Variants in RPRD1A observed in about 807,000 individuals in gnomAD.
RPRD1A encodes regulation of nuclear pre-mRNA domain-containing protein 1A.
RPRD1A carries 9 observed loss-of-function variants against 37.8 expected under a neutral mutation model. That is an observed-to-expected ratio of 0.24 (90% CI 0.14 to 0.42). RPRD1A has a LOEUF of 0.42. RPRD1A is among the 10% of genes least tolerant of loss of function. RPRD1A has a pLI of 1.00. For synonymous variants in RPRD1A, 138 were observed against 139.7 expected (o/e 0.99, Z 0.08); for missense variants, 255 against 371.0 (o/e 0.69, Z 2.57).
intron 6 of RPRD1A, among the ~76,000 whole-genome samples, chr18:35,994,536 A>T (rs1378601714): frequency 6.6e-6 from 1 of 152,238 alleles, no homozygotes; most frequent in Non-Finnish European, 1.5e-5. Flanking sequence ...AGGCTTCATA[A>T]GCAGGTGGAT....
At chr18:35,993,817 A>G (rs191697066) in intron 6 of RPRD1A, among the ~76,000 whole-genome samples, 42 of 152,250 alleles carry the variant, frequency 2.8e-4, no homozygotes, top group African/African-American at 9.6e-4. Context: ...ATTCCCAGAA[A>G]GAGCGCCTCT....
chr18:36,031,884 A>G (rs1019099781), intron 2 of RPRD1A, among the ~76,000 whole-genome samples: 1 of 152,232 alleles, frequency 6.6e-6, no homozygotes, highest in African/African-American at 2.4e-5. Context: ...TAAGGCCCAC[A>G]TGCTCTGCTT....
intron 6 of RPRD1A, among the ~76,000 whole-genome samples, chr18:36,015,157 C>T (rs8090470): frequency 0.03 from 2,773 of 91,874 alleles, 105 homozygotes; most frequent in African/African-American, 0.087. Context: ...CACACACACA[C>T]ATATATACAC....
At chr18:36,021,318 G>A (rs569118152) in intron 6 of RPRD1A, among the ~76,000 whole-genome samples, 78 of 151,780 alleles carry the variant, frequency 5.1e-4, no homozygotes, top group African/African-American at 1.7e-3. Context: ...GCTCACTTAA[G>A]TGTCTGTCAA....
At chr18:36,037,452 T>C (rs1629690) in intron 1 of RPRD1A, among the ~76,000 whole-genome samples, 151,217 of 152,328 alleles carry the variant, frequency 0.99, 75,064 homozygotes, top group East Asian at 1. Context: ...TTTCCTGAGG[T>C]CTCCCCAGCC....
chr18:36,019,001 T>C (rs1034330875), intron 6 of RPRD1A, among the ~76,000 whole-genome samples: 5 of 151,866 alleles, frequency 3.3e-5, no homozygotes, highest in African/African-American at 1.2e-4. Flanking sequence ...AGAACATGCT[T>C]GATATACCTG....
chr18:36,055,503 G>A (rs1913700787), intron 1 of RPRD1A, among the ~76,000 whole-genome samples: 1 of 152,156 alleles, frequency 6.6e-6, no homozygotes, highest in Non-Finnish European at 1.5e-5. Context: ...ACTCTTTAGA[G>A]ATTTTTTACA....
chr18:36,052,340 A>G (rs1913459876), intron 1 of RPRD1A, among the ~76,000 whole-genome samples: 1 of 151,972 alleles, frequency 6.6e-6, no homozygotes, highest in African/African-American at 2.4e-5. Flanking sequence ...CTAGATAGAT[A>G]GTAACTAGAA....
At chr18:36,024,846 C>A (rs550704983) in intron 6 of RPRD1A, 55 of 152,300 alleles carry the variant, frequency 3.6e-4, no homozygotes, top group African/African-American at 1.3e-3. Context: ...ACATCTTCTA[C>A]AAAGGAATAA....
At chr18:36,051,039 CTT>C (rs1913353670) in intron 1 of RPRD1A, among the ~76,000 whole-genome samples, 1 of 151,964 alleles carries the variant, frequency 6.6e-6, no homozygotes, top group Non-Finnish European at 1.5e-5. Flanking sequence ...CCTCCCAAAA[CTT>C]AGGGAGTTGG....
chr18:35,991,028 T>G lies in RPRD1A; in HGVS notation c.*2123A>C, dbSNP rs186498843. The G allele has an allele frequency of 1.3e-5, 2 of 152,276 alleles. No individual in the cohort carries two copies. Among genetic ancestry groups the G allele is most frequent in the East Asian group, 3.9e-4 (2 of 5,190 alleles). 9.4% of individuals were successfully genotyped at this position (152,276 alleles called of 1,614,324 possible). A position where few individuals can be genotyped will look rare whatever the true frequency, so the allele number is the denominator to read the frequency against. The stretch of plus-strand genomic sequence containing the variant: ...AATAATGCATTTTTATCATAAATAT[T>G]TAGAGCAGATACTGGCATTAAAATC... On this transcript the variant is annotated 3_prime_UTR_variant, in exon 7 of 7. Transcript: ENST00000399022.
At chr18:36,009,786 G>A (rs904319075) in intron 6 of RPRD1A, among the ~76,000 whole-genome samples, 4 of 152,170 alleles carry the variant, frequency 2.6e-5, no homozygotes, top group Admixed American at 6.6e-5. Context: ...CTTCAAATGT[G>A]CCTACTGCTA....
chr18:36,055,967 A>G (rs1913738993), intron 1 of RPRD1A, among the ~76,000 whole-genome samples: 1 of 152,214 alleles, frequency 6.6e-6, no homozygotes, highest in African/African-American at 2.4e-5. Flanking sequence ...GTGATACACT[A>G]ATGCCTAGCA....
chr18:36,064,608 G>A (rs912771119), intron 1 of RPRD1A, among the ~76,000 whole-genome samples: 1 of 152,066 alleles, frequency 6.6e-6, no homozygotes, highest in Non-Finnish European at 1.5e-5. Flanking sequence ...TGTGTGTCTC[G>A]CTAAAGGATC....
intron 6 of RPRD1A, among the ~76,000 whole-genome samples, chr18:36,020,559 A>G (rs1035435560): frequency 6.6e-6 from 1 of 152,242 alleles, no homozygotes; most frequent in Non-Finnish European, 1.5e-5. Flanking sequence ...TAACGGATCA[A>G]TATGTGAGTG....
At chr18:36,021,692 G>A (rs570758699) in intron 6 of RPRD1A, among the ~76,000 whole-genome samples, 45 of 152,238 alleles carry the variant, frequency 3.0e-4, no homozygotes, top group African/African-American at 1.0e-3. Context: ...CAAAGTTCTC[G>A]AAGGAAACTA....
At chr18:36,065,299 C>G (rs575417687) in intron 1 of RPRD1A, among the ~76,000 whole-genome samples, 1 of 152,152 alleles carries the variant, frequency 6.6e-6, no homozygotes, top group South Asian at 2.1e-4. Flanking sequence ...TAGCATTATT[C>G]GTCTGTACCT....
At chr18:36,049,748 T>C (rs1346789696) in intron 1 of RPRD1A, among the ~76,000 whole-genome samples, 2 of 152,228 alleles carry the variant, frequency 1.3e-5, no homozygotes, top group African/African-American at 4.8e-5. Flanking sequence ...CTTTTGGCTG[T>C]TGTGAATAAT....
In RPRD1A at chr18:36,026,680, A is replaced by T. The variant is rs115111856; in HGVS notation, c.789+220T>A. On this transcript the variant is annotated intron_variant, in intron 6 of 6. Transcript: ENST00000399022. ...TTTCACAAGAATAATTTTTAAATGC[A>T]ATCAATTTTGCTAATTCCAAATTTC... is the stretch of plus-strand genomic sequence containing the variant. 1,654 of 398,656 alleles carry T rather than the reference A, an allele frequency of 4.1e-3. 13 individuals are homozygous for T. Among genetic ancestry groups the T allele is most frequent in the African/African-American group, 0.031 (1,524 of 48,712 alleles). 24.7% of individuals were successfully genotyped at this position (398,656 alleles called of 1,614,324 possible).
Sources: allele counts gnomAD v4.1 joint callset (sites outside exome capture counted in the v4.1 genomes callset), GRCh38; gene constraint gnomAD v4.1.1; transcripts MANE v1.5; gene names NCBI Gene and HGNC (gene_info 2026-07-23, HGNC 2026-07-21).